Variants in CSMD3 observed in about 807,000 individuals in gnomAD.
CSMD3 encodes CUB and sushi domain-containing protein 3.
A neutral mutation model predicts 435.2 loss-of-function variants in CSMD3; 177 were observed. That is an observed-to-expected ratio of 0.41 (90% confidence interval 0.36 to 0.46). CSMD3 has a LOEUF of 0.46. CSMD3 is among the 20% of genes least tolerant of loss of function. CSMD3 has a pLI of 0.34. For missense variants in CSMD3, 4,265 were observed against 4,504.6 expected (o/e 0.95, Z 1.52); for synonymous variants, 1,656 against 1,520.5 (o/e 1.09, Z -2.07).
intron 6 of CSMD3, among the ~76,000 whole-genome samples, chr8:113,016,042 G>C (rs1358751827): frequency 6.6e-6 from 1 of 151,640 alleles, no homozygotes; most frequent in Non-Finnish European, 1.5e-5. Flanking sequence ...ATATTGAAGT[G>C]AATTTGTGGG....
At chr8:113,182,914 G>A (rs1456248680) in intron 3 of CSMD3, among the ~76,000 whole-genome samples, 1 of 151,968 alleles carries the variant, frequency 6.6e-6, no homozygotes, top group African/African-American at 2.4e-5. Context: ...TTTCTATCAA[G>A]GCCCACTATA....
chr8:112,230,835 A>G (rs891818824), intron 69 of CSMD3, among the ~76,000 whole-genome samples: 6 of 152,214 alleles, frequency 3.9e-5, no homozygotes, highest in Admixed American at 3.9e-4. Flanking sequence ...AAAAAAGTTC[A>G]TTTCTTAAAA....
intron 36 of CSMD3, among the ~76,000 whole-genome samples, chr8:112,386,348 T>C (rs1290391354): frequency 6.6e-6 from 1 of 152,130 alleles, no homozygotes; most frequent in East Asian, 1.9e-4. Context: ...AGGTACATTG[T>C]GAATGTAGTT....
chr8:113,278,754 A>C, intron 2 of CSMD3, 50 bp from the exon 3 acceptor site: 1 of 870,326 alleles, frequency 1.1e-6, no homozygotes. Flanking sequence ...TTTATCTAAG[A>C]GTTTTTAAGA....
chr8:112,307,344 G>A (rs973333010), intron 50 of CSMD3, among the ~76,000 whole-genome samples: 1 of 152,004 alleles, frequency 6.6e-6, no homozygotes, highest in Non-Finnish European at 1.5e-5. Flanking sequence ...TCAGTGGCAG[G>A]ATCTTGGCTC....
At chr8:112,422,466 T>C (rs1563927622) in intron 32 of CSMD3, among the ~76,000 whole-genome samples, 1 of 152,166 alleles carries the variant, frequency 6.6e-6, no homozygotes, top group Non-Finnish European at 1.5e-5. Context: ...ATTTTCACAA[T>C]TGTTACAAAG....
intron 38 of CSMD3, among the ~76,000 whole-genome samples, chr8:112,356,406 A>G (rs1826603677): frequency 6.6e-6 from 1 of 152,194 alleles, no homozygotes; most frequent in Non-Finnish European, 1.5e-5. Flanking sequence ...TAATGCAGGC[A>G]TAAAAAACCA....
intron 7 of CSMD3, among the ~76,000 whole-genome samples, chr8:112,958,383 A>G (rs1300099130): frequency 6.6e-6 from 1 of 152,176 alleles, no homozygotes; most frequent in Non-Finnish European, 1.5e-5. Context: ...TTATAATACA[A>G]GAAAGGCCTG....
At chr8:112,489,318 G>A (rs897513301) in intron 31 of CSMD3, among the ~76,000 whole-genome samples, 1 of 152,142 alleles carries the variant, frequency 6.6e-6, no homozygotes, top group Non-Finnish European at 1.5e-5. Context: ...CCAGATACCT[G>A]AGAGGCTGAG....
At chr8:112,814,810 AT>A in intron 12 of CSMD3, among the ~76,000 whole-genome samples, 1 of 151,826 alleles carries the variant, frequency 6.6e-6, no homozygotes, top group Middle Eastern at 3.4e-3. Context: ...TTTTTTCATT[AT>A]ACCAAGGGAG....
At chr8:112,477,954 G>T (rs557418171) in intron 31 of CSMD3, among the ~76,000 whole-genome samples, 1 of 152,236 alleles carries the variant, frequency 6.6e-6, no homozygotes, top group South Asian at 2.1e-4. Flanking sequence ...GAATCATGGG[G>T]TCAAGGCTTT....
intron 22 of CSMD3, among the ~76,000 whole-genome samples, chr8:112,621,859 T>C (rs1342192713): frequency 6.6e-6 from 1 of 152,154 alleles, no homozygotes; most frequent in East Asian, 1.9e-4. Flanking sequence ...CCTGTAACTT[T>C]TTCTCAAATA....
chr8:113,271,369 T>G (rs1186409645), intron 3 of CSMD3, among the ~76,000 whole-genome samples: 1 of 151,856 alleles, frequency 6.6e-6, no homozygotes, highest in East Asian at 1.9e-4. Flanking sequence ...AAAAAAACGG[T>G]TTCTTTGACT....
chr8:112,460,343 A>G (rs1433521723), intron 32 of CSMD3, among the ~76,000 whole-genome samples: 2 of 151,988 alleles, frequency 1.3e-5, no homozygotes. Context: ...ATTTCTACAA[A>G]TTTAGAGATA....
intron 47 of CSMD3, among the ~76,000 whole-genome samples, chr8:112,316,270 C>T (rs1822451500): frequency 6.6e-6 from 1 of 151,594 alleles, no homozygotes; most frequent in Admixed American, 6.6e-5. Context: ...GATTTTCCTT[C>T]ATGGATATAA....
chr8:113,114,120 A>T (rs752746960), intron 4 of CSMD3, among the ~76,000 whole-genome samples: 2 of 152,180 alleles, frequency 1.3e-5, no homozygotes, highest in Non-Finnish European at 2.9e-5. Context: ...GTACAATAAT[A>T]ATCAAATTAT....
intron 38 of CSMD3, among the ~76,000 whole-genome samples, chr8:112,375,313 G>A (rs73700682): frequency 0.026 from 3,981 of 152,176 alleles, 161 homozygotes; most frequent in African/African-American, 0.091. Context: ...TTCCCCTACA[G>A]TTCTAAGCAG....
At chr8:113,098,712 C>T (rs1421005315) in intron 5 of CSMD3, 44 bp downstream of exon 5, 4 of 1,322,598 alleles carry the variant, frequency 3.0e-6, no homozygotes, top group South Asian at 1.2e-5. Flanking sequence ...CCTTAGTTTG[C>T]TTCAACAACA....
At chr8:112,320,475 A>G (rs928209520) in intron 45 of CSMD3, among the ~76,000 whole-genome samples, 1 of 151,950 alleles carries the variant, frequency 6.6e-6, no homozygotes, top group Non-Finnish European at 1.5e-5. Context: ...TTATGTTACT[A>G]TTTCTATAAT....
Sources: allele counts gnomAD v4.1 joint callset (sites outside exome capture counted in the v4.1 genomes callset), GRCh38; gene constraint gnomAD v4.1.1; transcripts MANE v1.5; gene names NCBI Gene and HGNC (gene_info 2026-07-23, HGNC 2026-07-21).